SLC2A1: variants seen among roughly 807,000 people sequenced by gnomAD.
SLC2A1 encodes the protein solute carrier family 2 member 1.
Under a neutral mutation model 46.6 loss-of-function variants are expected in SLC2A1, and 4 were observed. That is an observed-to-expected ratio of 0.09 (90% CI 0.04 to 0.20). The LOEUF is 0.20. Among genes scored for constraint, SLC2A1 ranks in the 10% least tolerant of loss-of-function variants. The pLI is 1.00. For synonymous variants in SLC2A1, 253 were observed against 270.0 expected (o/e 0.94, Z 0.62); for missense variants, 352 against 667.0 (o/e 0.53, Z 5.20).
chr1:42,926,846 A>G lies in SLC2A1; in HGVS notation c.*195T>C. On this transcript the variant is annotated 3_prime_UTR_variant, in exon 10 of 10. Transcript: ENST00000426263. ...GCTTGTCTGAATAGATTTGAGCAAC[A>G]GTCTTGCTTTTGTTAAAATCCTGGA... 6.8e-7 allele frequency: 1 copy of G among 1,470,764 alleles called. No homozygotes were observed. The highest frequency in any genetic ancestry group is 9.0e-7 in the Non-Finnish European group (1 of 1,116,820). The allele number at this position is 1,470,764 out of a possible 1,614,324, so 91.1% of individuals were successfully genotyped here. A position where few individuals can be genotyped will look rare whatever the true frequency, so the allele number is the denominator to read the frequency against.
At chr1:42,938,899 G>T (rs990744601) in intron 2 of SLC2A1, among the ~76,000 whole-genome samples, 3 of 152,200 alleles carry the variant, frequency 2.0e-5, no homozygotes, top group African/African-American at 7.2e-5. Context: ...GCACCTTGAA[G>T]CCCTCTGTTA....
chr1:42,946,489 G>C (rs933171347), intron 1 of SLC2A1, among the ~76,000 whole-genome samples: 1 of 152,204 alleles, frequency 6.6e-6, no homozygotes, highest in Admixed American at 6.5e-5. Context: ...GCTTCAACAG[G>C]GGGCTGGTAT....
rs530159487 is a variant in SLC2A1 at position 42,926,608 on chromosome 1, A to C, written c.*433T>G. On this transcript the variant is annotated 3_prime_UTR_variant, in exon 10 of 10. Coordinates refer to ENST00000426263, the MANE Select transcript of SLC2A1 (RefSeq NM_006516.4). ...TGGCCATAGCCACCTCCTGGGATAG[A>C]AGCTTTGTAGTTCATAGTTCGATTA... 8 of 972,640 alleles carry C rather than the reference A, an allele frequency of 8.2e-6. No individual in the cohort carries two copies. Among genetic ancestry groups the C allele is most frequent in the Non-Finnish European group, 1.1e-5 (8 of 718,442 alleles). 60.3% of individuals were successfully genotyped at this position (972,640 alleles called of 1,614,324 possible). A position where few individuals can be genotyped will look rare whatever the true frequency, so the allele number is the denominator to read the frequency against.
chr1:42,955,971 A>T (rs545685042), intron 1 of SLC2A1, among the ~76,000 whole-genome samples: 26 of 152,300 alleles, frequency 1.7e-4, no homozygotes, highest in African/African-American at 6.0e-4. Context: ...ACATAGCAGA[A>T]CCAAGGCTTT....
At chr1:42,951,298 C>T (rs1224097462) in intron 1 of SLC2A1, among the ~76,000 whole-genome samples, 1 of 152,156 alleles carries the variant, frequency 6.6e-6, no homozygotes, top group Non-Finnish European at 1.5e-5. Context: ...GAATGAAACA[C>T]ATCTGTGTTT....
chr1:42,933,653 G>A (rs1426991182), intron 2 of SLC2A1, among the ~76,000 whole-genome samples: 1 of 152,158 alleles, frequency 6.6e-6, no homozygotes, highest in African/African-American at 2.4e-5. Context: ...GACTGGTTGG[G>A]AACGGTAATG....
In SLC2A1 at chr1:42,931,029, G is replaced by A. The variant is rs761669510; in HGVS notation, c.275+17C>T. 2.9e-4 allele frequency: 475 copies of A among 1,613,750 alleles called. 2 individuals carry two copies. Among genetic ancestry groups the A allele is most frequent in the Non-Finnish European group, 6.8e-6 (8 of 1,179,908 alleles). On this transcript the variant is annotated intron_variant, in intron 3 of 9. Transcript: ENST00000426263. ...CATGGGCCCTCCAAGGGCAGTGCCA[G>A]GACCTCTCCTACTTACCGGCCAAAG...
chr1:42,955,269 A>C (rs1643760351), intron 1 of SLC2A1, among the ~76,000 whole-genome samples: 1 of 152,228 alleles, frequency 6.6e-6, no homozygotes, highest in Non-Finnish European at 1.5e-5. Context: ...GTAATGATGA[A>C]AACTGGGCAA....
chr1:42,954,958 C>T lies in SLC2A1; in HGVS notation c.18+3676G>A, dbSNP rs1413214888. Among the ~76,000 whole-genome samples, 5 of 152,322 alleles carry T rather than the reference C, an allele frequency of 3.3e-5. No homozygotes were observed. Among genetic ancestry groups the T allele is most frequent in the African/African-American group, 1.2e-4 (5 of 41,576 alleles). On this transcript the variant is annotated intron_variant, in intron 1 of 9. Transcript: ENST00000426263. The surrounding 1 kb of genome is among the most constrained non-coding windows in gnomAD (Gnocchi z 4.2). Reference sequence around the variant, plus strand: ...CGCAGGGCACTCACATGAGCTGACCCTCCCTGGCCTGGCACTCTCACCCAT... The same window carrying T: ...CGCAGGGCACTCACATGAGCTGACCTTCCCTGGCCTGGCACTCTCACCCAT...
intron 1 of SLC2A1, among the ~76,000 whole-genome samples, chr1:42,946,277 G>A (rs2124465267): frequency 6.6e-6 from 1 of 152,262 alleles, no homozygotes; most frequent in East Asian, 1.9e-4. Context: ...CCACTCCCTG[G>A]GTCATATCCA....
In SLC2A1 at chr1:42,938,586, C is replaced by G. The variant is rs187253302; in HGVS notation, c.114+4640G>C. Among the ~76,000 whole-genome samples the G allele has an allele frequency of 2.6e-3, 399 of 152,346 alleles. 1 individual carries two copies. The highest frequency in any genetic ancestry group is 7.2e-3 in the Admixed American group (110 of 15,306). Reference sequence around the variant, plus strand: ...CCTCACCACTTGTGGGGCAAAGTCTCTTCTCAAGAGTAGGCAAACTGTGGC... The same window carrying G: ...CCTCACCACTTGTGGGGCAAAGTCTGTTCTCAAGAGTAGGCAAACTGTGGC... On this transcript the variant is annotated intron_variant, in intron 2 of 9. Coordinates refer to ENST00000426263, the MANE Select transcript of SLC2A1 (RefSeq NM_006516.4).
In SLC2A1 at chr1:42,932,115, C is replaced by T. The variant is rs149194066; in HGVS notation, c.115-909G>A. The stretch of plus-strand genomic sequence containing the variant: ...CTTTCTGTTCCCCAGGCCTAGCTCC[C>T]TTGTGTCTGGCCTGCGAGCACCCCC... On this transcript the variant is annotated intron_variant, in intron 2 of 9. Transcript: ENST00000426263. Among the ~76,000 whole-genome samples, 8 of 152,290 alleles carry T rather than the reference C, an allele frequency of 5.3e-5. No homozygotes were observed. In the East Asian group the frequency reaches 1.5e-3, roughly 29 times the overall value.
At position 42,929,216 on chromosome 1, in the gene SLC2A1, G is replaced by A. The variant is rs2229680; in HGVS notation, c.966C>T (p.Val322=). 20,303 of 1,613,586 alleles carry A rather than the reference G, an allele frequency of 0.013. 2,163 individuals are homozygous for A. The African/African-American group carries it at 0.24, about 19-fold the overall frequency. ...GSGIVNTAFT[V]VSLFVVERAG... ...CCAGTAAGCAAAGACTCACCGACAC[G>A]ACAGTGAAGGCCGTGTTGACGATAC... is the stretch of plus-strand genomic sequence containing the variant. Residue 322 remains valine, a synonymous_variant, in exon 7 of 10, where the codon GTC becomes GTT. Transcript: ENST00000426263. The surrounding 1 kb of genome is among the most constrained non-coding windows in gnomAD (Gnocchi z 6.0).
At chr1:42,952,402 T>C (rs761542004) in intron 1 of SLC2A1, 8 of 481,820 alleles carry the variant, frequency 1.7e-5, no homozygotes, top group African/African-American at 1.6e-4. Context: ...TAGAGGCTGA[T>C]GCAGTCGATC....
intron 1 of SLC2A1, among the ~76,000 whole-genome samples, chr1:42,949,855 TCTG>T (rs1643702225): frequency 6.6e-6 from 1 of 152,158 alleles, no homozygotes; most frequent in Non-Finnish European, 1.5e-5. Flanking sequence ...ATTGGGGGTC[TCTG>T]ATGCCAAATT....
At chr1:42,951,842 G>GC (rs1033224939) in intron 1 of SLC2A1, 7 of 400,232 alleles carry the variant, frequency 1.7e-5, no homozygotes, top group African/African-American at 1.4e-4. Context: ...ACCCCACAAT[G>GC]CAACACTGTG....
chr1:42,935,407 T>C (rs1209518872), intron 2 of SLC2A1, among the ~76,000 whole-genome samples: 1 of 152,166 alleles, frequency 6.6e-6, no homozygotes, highest in African/African-American at 2.4e-5. Context: ...TGAGACTACA[T>C]GTCTGCCCAT....
rs899978995 is a variant in SLC2A1 at position 42,925,473 on chromosome 1, A to C, written c.*1568T>G. On this transcript the variant is annotated 3_prime_UTR_variant, in exon 10 of 10. Transcript: ENST00000426263. ...TAGTGCTGAGGACCCACAGGAACCA[A>C]ATCGGCATCTTCTCATGAAATTCAG... 1 of 152,266 alleles carries C rather than the reference A, an allele frequency of 6.6e-6. No individual in the cohort carries two copies. Among genetic ancestry groups the C allele is most frequent in the Admixed American group, 6.5e-5 (1 of 15,294 alleles). 9.4% of individuals were successfully genotyped at this position (152,266 alleles called of 1,614,324 possible).
intron 2 of SLC2A1, among the ~76,000 whole-genome samples, chr1:42,935,387 C>A (rs1643532281): frequency 6.6e-6 from 1 of 152,198 alleles, no homozygotes; most frequent in Admixed American, 6.5e-5. Flanking sequence ...CCAGTCGAGG[C>A]AACTGTGGGT....
Sources: allele counts gnomAD v4.1 joint callset (sites outside exome capture counted in the v4.1 genomes callset), GRCh38; gene constraint gnomAD v4.1.1; non-coding constraint Gnocchi (gnomAD v3.1); transcripts MANE v1.5; gene names NCBI Gene and HGNC (gene_info 2026-07-23, HGNC 2026-07-21).